JAKMIP3: variants seen among roughly 807,000 people sequenced by gnomAD.
The protein encoded by JAKMIP3 is janus kinase and microtubule-interacting protein 3.
Under a neutral mutation model 118.5 loss-of-function variants are expected in JAKMIP3, and 58 were observed. The ratio of observed to expected loss-of-function variants is 0.49; its 90% CI spans 0.40 to 0.61. The LOEUF (loss-of-function observed/expected upper bound fraction) is 0.61. Ranked by LOEUF, JAKMIP3 falls within the 20% of genes least tolerant of loss-of-function variation. JAKMIP3 has a pLI of 0.00. For missense variants in JAKMIP3, 950 were observed against 1,109.0 expected, an observed-to-expected ratio of 0.86 and a Z score of 2.04; for synonymous variants, 486 against 451.2, an observed-to-expected ratio of 1.08 and a Z score of -0.98.
In JAKMIP3 at chr10:132,180,659, G is replaced by A. The variant is rs1398728704; in HGVS notation, c.*1104-1698G>A. ...CGTGCGTGTGTGCGTGTGCGTGTGCGTGTGTGCGTGTGTGTGCGCGCGCGT... is the reference window on the plus strand; with the variant it reads ...CGTGCGTGTGTGCGTGTGCGTGTGCATGTGTGCGTGTGTGTGCGCGCGCGT... On this transcript the variant is annotated intron_variant, in intron 23 of 23. Coordinates refer to ENST00000684848, the MANE Select transcript of JAKMIP3 (RefSeq NM_001323087.2). 4.1e-3 allele frequency among the ~76,000 whole-genome samples: 96 copies of A among 23,620 alleles called. 6 individuals carry two copies. Among genetic ancestry groups the A allele is most frequent in the Non-Finnish European group, 5.7e-3 (71 of 12,420 alleles). 15.5% of individuals were successfully genotyped at this position (23,620 alleles called of 152,430 possible). A position where few individuals can be genotyped will look rare whatever the true frequency, so the allele number is the denominator to read the frequency against.
chr10:132,148,599 G>A (rs888643787), intron 14 of JAKMIP3, among the ~76,000 whole-genome samples: 1 of 152,240 alleles, frequency 6.6e-6, no homozygotes, highest in Admixed American at 6.5e-5. Flanking sequence ...GCAGACGTTT[G>A]TTTCTTGCCC....
At chr10:132,098,063 T>G (rs2044272240) in intron 1 of JAKMIP3, among the ~76,000 whole-genome samples, 1 of 149,574 alleles carries the variant, frequency 6.7e-6, no homozygotes, top group Non-Finnish European at 1.5e-5. Flanking sequence ...TGAGACAAGG[T>G]CTTCCTCTGT....
In JAKMIP3 at chr10:132,044,596, G is replaced by A. The variant is rs924543920; in HGVS notation, c.-138+7858G>A. Among the ~76,000 whole-genome samples, 3 of 152,082 alleles carry A rather than the reference G, an allele frequency of 2.0e-5. No homozygotes were observed. The highest frequency in any genetic ancestry group is 7.2e-5 in the African/African-American group (3 of 41,392). ...GTGCACCTGGGACTAGAGCAGGCTG[G>A]GGTCCTGGCGCGGGCTCTTCCTCAG... On this transcript the variant is annotated intron_variant, in intron 1 of 23. Transcript: ENST00000657785. This position sits in a 1 kb window ranked among gnomAD's most constrained non-coding sequence, Gnocchi z 5.3.
intron 3 of JAKMIP3, among the ~76,000 whole-genome samples, chr10:132,125,329 C>G (rs1377837227): frequency 6.6e-6 from 1 of 152,220 alleles, no homozygotes; most frequent in Non-Finnish European, 1.5e-5. Context: ...TTGAAATGAC[C>G]GTCCTTTCCC....
chr10:132,085,805 C>A (rs1016916123), intron 1 of JAKMIP3, among the ~76,000 whole-genome samples: 7 of 152,080 alleles, frequency 4.6e-5, no homozygotes, highest in Admixed American at 3.3e-4. Context: ...GGCCTTATTT[C>A]TTTTTCAAAG....
rs2054946206 is a variant in JAKMIP3 at position 132,147,864 on chromosome 10, A to G, written c.1750-88A>G. 6 of 936,146 alleles carry G rather than the reference A, an allele frequency of 6.4e-6. No homozygotes were observed. In the East Asian group the frequency reaches 1.3e-4, roughly 21 times the overall value. The allele number at this position is 936,146 out of a possible 1,614,324, so 58.0% of individuals were successfully genotyped here. A position where few individuals can be genotyped will look rare whatever the true frequency, so the allele number is the denominator to read the frequency against. On this transcript the variant is annotated intron_variant, in intron 13 of 23. Transcript: ENST00000684848. Reference sequence around the variant, plus strand: ...CCAGCCGGCCTCCCCGGCAGCCAGCAGCTGTCCCGTCAGCCTGGAGTTGAC... The same window carrying G: ...CCAGCCGGCCTCCCCGGCAGCCAGCGGCTGTCCCGTCAGCCTGGAGTTGAC...
At position 132,135,175 on chromosome 10, in the gene JAKMIP3, G is replaced by T; in HGVS notation, c.969+15G>T. 5 of 1,590,738 alleles carry T rather than the reference G, an allele frequency of 3.1e-6. No individual in the cohort carries two copies. Among genetic ancestry groups the T allele is most frequent in the Non-Finnish European group, 4.3e-6 (5 of 1,163,560 alleles). On this transcript the variant is annotated intron_variant, in intron 5 of 23. Coordinates refer to ENST00000684848, the MANE Select transcript of JAKMIP3 (RefSeq NM_001323087.2). Reference sequence around the variant, plus strand: ...GGAATGAGCTGGTGAGCGCGGGCGGGGGCTTCTGGCTCCTGGGGGTTTGTG... The same window carrying T: ...GGAATGAGCTGGTGAGCGCGGGCGGTGGCTTCTGGCTCCTGGGGGTTTGTG...
At chr10:132,045,770 C>T (rs1343574251) in intron 1 of JAKMIP3, among the ~76,000 whole-genome samples, 1 of 151,786 alleles carries the variant, frequency 6.6e-6, no homozygotes, top group Non-Finnish European at 1.5e-5. Context: ...CTTTACAAAA[C>T]ATCTGGGAAA....
chr10:132,109,590 CCCTGAGGAT>C (rs911131800), intron 2 of JAKMIP3, among the ~76,000 whole-genome samples: 3 of 152,170 alleles, frequency 2.0e-5, no homozygotes, highest in Non-Finnish European at 4.4e-5. Context: ...CACCTGAGGG[CCCTGAGGAT>C]CCTGAGGACC....
intron 1 of JAKMIP3, among the ~76,000 whole-genome samples, chr10:132,076,265 G>A (rs1045689413): frequency 6.6e-6 from 1 of 152,222 alleles, no homozygotes; most frequent in Non-Finnish European, 1.5e-5. Flanking sequence ...ACACTCTGTG[G>A]CCTTTTGTGT....
chr10:132,053,870 T>TA, intron 1 of JAKMIP3, among the ~76,000 whole-genome samples: 1 of 151,548 alleles, frequency 6.6e-6, no homozygotes, highest in Non-Finnish European at 1.5e-5. Flanking sequence ...CTGTCTCTAC[T>TA]AAAAATACAA....
At chr10:132,164,393 A>G (rs1302681031) in intron 20 of JAKMIP3, among the ~76,000 whole-genome samples, 1 of 152,162 alleles carries the variant, frequency 6.6e-6, no homozygotes, top group Non-Finnish European at 1.5e-5. Flanking sequence ...CATTCCTACC[A>G]TTTCCCTGGC....
At chr10:132,104,633 C>T (rs995210282) in intron 1 of JAKMIP3, 39 bp from the exon 2 acceptor site, 8 of 658,696 alleles carry the variant, frequency 1.2e-5, no homozygotes, top group Admixed American at 8.7e-5. Flanking sequence ...GCCACGGCTC[C>T]GGAGGGAGCT....
intron 1 of JAKMIP3, among the ~76,000 whole-genome samples, chr10:132,072,337 G>A (rs1056913128): frequency 7.9e-5 from 12 of 152,058 alleles, no homozygotes; most frequent in South Asian, 2.1e-4. Flanking sequence ...TTGAGCTCAG[G>A]AATTTGAGAC....
At chr10:132,159,857 C>T (rs376561979) in intron 19 of JAKMIP3, among the ~76,000 whole-genome samples, 1 of 64,590 alleles carries the variant, frequency 1.5e-5, no homozygotes, top group Admixed American at 1.7e-4. Flanking sequence ...GGGGCCTCTC[C>T]CTGTGTGATG....
intron 1 of JAKMIP3, among the ~76,000 whole-genome samples, chr10:132,095,578 G>A (rs1325421928): frequency 6.6e-6 from 1 of 152,208 alleles, no homozygotes. Context: ...CCCAGGTCCT[G>A]CAGGAGCAAT....
At chr10:132,180,530 T>TGTGTGTGTGTGTGCGTGC (rs1554962672) in intron 23 of JAKMIP3, among the ~76,000 whole-genome samples, 1 of 31,952 alleles carries the variant, frequency 3.1e-5, no homozygotes, top group African/African-American at 2.0e-4. Context: ...GAACTGTGTG[T>TGTGTGTGTGTGTGCGTGC]GTGTGTGTGT....
chr10:132,178,351 G>T (rs1470990350), intron 23 of JAKMIP3, among the ~76,000 whole-genome samples: 2 of 152,244 alleles, frequency 1.3e-5, no homozygotes, highest in Non-Finnish European at 2.9e-5. Flanking sequence ...CATGAAGGGG[G>T]TAGAGGAGGA....
intron 11 of JAKMIP3, chr10:132,144,051 A>G (rs1334167392): frequency 1.4e-5 from 2 of 139,934 alleles, no homozygotes; most frequent in African/African-American, 5.2e-5. Flanking sequence ...CCCACCCCCC[A>G]CCCCGGCTGA....
Sources: gnomAD v4.1 joint callset for allele counts (sites outside exome capture counted in the v4.1 genomes callset) on GRCh38, gnomAD v4.1.1 for gene constraint, Gnocchi (gnomAD v3.1) non-coding constraint, MANE v1.5 for transcripts, NCBI Gene and HGNC (gene_info 2026-07-23, HGNC 2026-07-21) for gene names.